Variants in PAM observed in about 807,000 individuals in gnomAD.
The protein encoded by PAM is peptidyl-glycine alpha-amidating monooxygenase.
A neutral mutation model predicts 122.1 loss-of-function variants in PAM; 72 were observed. The observed-to-expected ratio is 0.59, with a 90% CI of 0.49 to 0.72. The LOEUF (loss-of-function observed/expected upper bound fraction) is 0.72. Among genes scored for constraint, PAM ranks in the 30% least tolerant of loss-of-function variants. PAM has a pLI of 0.00. For missense variants in PAM, 1,106 were observed against 1,183.7 expected, an observed-to-expected ratio of 0.93 and a Z score of 0.96; for synonymous variants, 389 against 404.4, an observed-to-expected ratio of 0.96 and a Z score of 0.46.
rs531287901 is a variant in PAM, at chr5:102,874,940, C to T, written c.210+7547C>T. Reference sequence around the variant, plus strand: ...TAATAACGTGTTCATAGCAAATAGCCGGTAAATAGGAGAACAAGGATTTAA... The same window carrying T: ...TAATAACGTGTTCATAGCAAATAGCTGGTAAATAGGAGAACAAGGATTTAA... On this transcript the variant is annotated intron_variant, in intron 3 of 25. Transcript: ENST00000438793. Among the ~76,000 whole-genome samples the T allele has an allele frequency of 8.6e-4, 131 of 151,994 alleles. 1 individual carries two copies. Among genetic ancestry groups the T allele is most frequent in the African/African-American group, 2.9e-3 (119 of 41,468 alleles).
At chr5:102,870,228 T>A (rs2150995065) in intron 3 of PAM, among the ~76,000 whole-genome samples, 1 of 152,220 alleles carries the variant, frequency 6.6e-6, no homozygotes, top group Admixed American at 6.5e-5. Flanking sequence ...TCCACAAGAT[T>A]TTTTTAAAAT....
intron 1 of PAM, among the ~76,000 whole-genome samples, chr5:102,813,789 G>A (rs1295358597): frequency 1.3e-5 from 2 of 152,096 alleles, no homozygotes; most frequent in Non-Finnish European, 2.9e-5. Context: ...GAAATAAAGG[G>A]TACTCTTTCT....
intron 1 of PAM, among the ~76,000 whole-genome samples, chr5:102,836,679 C>T (rs1777131393): frequency 6.6e-6 from 1 of 152,042 alleles, no homozygotes; most frequent in East Asian, 1.9e-4. Flanking sequence ...CTTATTCCCT[C>T]CCTCCTTTAA....
intron 4 of PAM, among the ~76,000 whole-genome samples, chr5:102,907,927 G>T: frequency 6.6e-6 from 1 of 151,698 alleles, no homozygotes. Context: ...TAGGTTGCCT[G>T]TTCACTCTGA....
chr5:102,887,051 G>A (rs1793344494), intron 3 of PAM, among the ~76,000 whole-genome samples: 1 of 152,028 alleles, frequency 6.6e-6, no homozygotes, highest in Admixed American at 6.6e-5. Flanking sequence ...GTACTTAGTA[G>A]ACATTAAGAA....
chr5:102,916,186 C>T (rs79241646), intron 5 of PAM, among the ~76,000 whole-genome samples: 3,388 of 152,052 alleles, frequency 0.022, 144 homozygotes, highest in African/African-American at 0.076. Context: ...TTTTTAAAGC[C>T]TCTCTATGCT....
intron 1 of PAM, among the ~76,000 whole-genome samples, chr5:102,803,190 G>GGAA (rs1473576495): frequency 8.3e-6 from 1 of 121,124 alleles, no homozygotes; most frequent in African/African-American, 2.9e-5. Context: ...AGGAAGGAAG[G>GGAA]AAGGAAGGAA....
rs191805033 is a variant in PAM, at chr5:102,775,498, C to T, written c.-374+20150C>T. Among the ~76,000 whole-genome samples, 598 of 152,136 alleles carry T rather than the reference C, an allele frequency of 3.9e-3. 2 individuals carry two copies. Among genetic ancestry groups the T allele is most frequent in the African/African-American group, 0.014 (562 of 41,508 alleles). ...TTATCCTGATGCTCTCCCTCCCCACCACACCCCGAAAGGCCCCAGTGTGTG... is the reference window on the plus strand; with the variant it reads ...TTATCCTGATGCTCTCCCTCCCCACTACACCCCGAAAGGCCCCAGTGTGTG... On this transcript the variant is annotated intron_variant, in intron 1 of 25. Transcript: ENST00000438793.
At chr5:102,987,777 A>C (rs2150729004) in intron 15 of PAM, among the ~76,000 whole-genome samples, 1 of 152,298 alleles carries the variant, frequency 6.6e-6, no homozygotes, top group Admixed American at 6.5e-5. Flanking sequence ...TCATCTGAGC[A>C]GCTCCATTCA....
chr5:103,027,346 C>G (rs1462350867), intron 24 of PAM, among the ~76,000 whole-genome samples: 1 of 152,206 alleles, frequency 6.6e-6, no homozygotes, highest in Non-Finnish European at 1.5e-5. Context: ...TTCTCCCTTT[C>G]CTCTCATCTG....
rs939692788 is a variant in PAM, at chr5:102,901,405, C to G, written c.260C>G (p.Ala87Gly). Reference sequence around the variant, plus strand: ...ATGCGAATACCAGTGGATGAGGAAGCCTTCGTGAGTAAGTATTAATTGGAT... The same window carrying G: ...ATGCGAATACCAGTGGATGAGGAAGGCTTCGTGAGTAAGTATTAATTGGAT... ...MSMRIPVDEEAFVIDFKPRAS... is the reference protein window; with the variant it reads ...MSMRIPVDEEGFVIDFKPRAS... Residue 87 changes from alanine to glycine, a missense_variant, in exon 4 of 26, where the codon GCC (alanine) becomes GGC (glycine). Ala to Gly is a moderately conservative substitution (Grantham distance 60). Transcript: ENST00000438793. 2.6e-6 allele frequency: 4 copies of G among 1,562,630 alleles called. No homozygotes were observed. The highest frequency in any genetic ancestry group is 3.5e-6 in the Non-Finnish European group (4 of 1,134,650).
intron 2 of PAM, chr5:102,866,523 C>T (rs1033675221): frequency 3.8e-6 from 2 of 532,650 alleles, no homozygotes; most frequent in African/African-American, 3.8e-5. Flanking sequence ...ACTAATCACT[C>T]CCTCTGGGGG....
chr5:102,992,736 T>A (rs1049504255), intron 16 of PAM, among the ~76,000 whole-genome samples: 2 of 152,146 alleles, frequency 1.3e-5, no homozygotes, highest in Non-Finnish European at 2.9e-5. Context: ...CCATTCTTCT[T>A]GTTACTACTG....
chr5:102,940,115 TACACACACACAC>T (rs66466018), intron 7 of PAM, among the ~76,000 whole-genome samples: 72 of 134,454 alleles, frequency 5.4e-4, no homozygotes, highest in African/African-American at 1.8e-3. Flanking sequence ...TATGTATACA[TACACACACACAC>T]ACACACACAC....
intron 4 of PAM, among the ~76,000 whole-genome samples, chr5:102,906,606 C>A (rs562821725): frequency 9.9e-5 from 15 of 151,726 alleles, no homozygotes; most frequent in Non-Finnish European, 1.9e-4. Flanking sequence ...AATTACTTCA[C>A]TTCTCTTTCC....
chr5:102,865,896 C>T lies in PAM; in HGVS notation c.-300C>T. ...CTGTCATTCCGGAGTCATAAGGCAC[C>T]CGCGCGTCTAGCCCCAGCGCCAGGG... On this transcript the variant is annotated 5_prime_UTR_variant, in exon 2 of 26. Coordinates refer to ENST00000438793, the MANE Select transcript of PAM (RefSeq NM_001177306.2). 2.9e-6 allele frequency: 1 copy of T among 342,998 alleles called. No homozygotes were observed. Among genetic ancestry groups the T allele is most frequent in the Non-Finnish European group, 5.2e-6 (1 of 192,518 alleles). The allele number at this position is 342,998 out of a possible 1,614,324, so 21.2% of individuals were successfully genotyped here. A position where few individuals can be genotyped will look rare whatever the true frequency, so the allele number is the denominator to read the frequency against.
At chr5:102,918,405 T>C (rs1348258524) in intron 5 of PAM, among the ~76,000 whole-genome samples, 2 of 152,164 alleles carry the variant, frequency 1.3e-5, no homozygotes, top group Non-Finnish European at 1.5e-5. Context: ...AACTAAGCTC[T>C]AAGTGAGCAG....
At chr5:102,780,761 TTCTTTCTTTCTTTCTTTC>T (rs1373879151) in intron 1 of PAM, among the ~76,000 whole-genome samples, 2 of 27,906 alleles carry the variant, frequency 7.2e-5, no homozygotes, top group Non-Finnish European at 1.6e-4. Context: ...TTCTCTTTCT[TTCTTTCTTTCTTTCTTTC>T]TTTCTTTCTT....
chr5:102,819,582 G>A (rs1048398982), intron 1 of PAM, among the ~76,000 whole-genome samples: 4 of 151,992 alleles, frequency 2.6e-5, no homozygotes, highest in African/African-American at 9.6e-5. Context: ...CATTAGCATT[G>A]CCTTAAAAGA....
Sources: gnomAD v4.1 joint callset for allele counts (sites outside exome capture counted in the v4.1 genomes callset) on GRCh38, gnomAD v4.1.1 for gene constraint, MANE v1.5 for transcripts, NCBI Gene and HGNC (gene_info 2026-07-23, HGNC 2026-07-21) for gene names.